APC2: variants seen among roughly 807,000 people sequenced by gnomAD.
APC2 encodes APC regulator of Wnt signaling pathway 2.
A neutral mutation model predicts 72.5 loss-of-function variants in APC2; 41 were observed. The ratio of observed to expected loss-of-function variants is 0.57; its 90% CI spans 0.44 to 0.73. The LOEUF is 0.73. Ranked by LOEUF, APC2 falls within the 30% of genes least tolerant of loss-of-function variation. The probability of loss-of-function intolerance (pLI) is 0.00; values close to 1 mark genes in which losing one functional copy is unlikely to be tolerated. For synonymous variants in APC2, 1,898 were observed against 1,612.0 expected, an observed-to-expected ratio of 1.18 and a Z score of -4.25; for missense variants, 3,729 against 3,403.4, an observed-to-expected ratio of 1.10 and a Z score of -2.38.
In APC2 at chr19:1,456,845, C is replaced by A; in HGVS notation, c.817-8C>A. 3 of 1,591,800 alleles carry A rather than the reference C, an allele frequency of 1.9e-6. No individual in the cohort carries two copies. Among genetic ancestry groups the A allele is most frequent in the Non-Finnish European group, 2.6e-6 (3 of 1,174,838 alleles). On this transcript the variant is annotated splice_region_variant and splice_polypyrimidine_tract_variant and intron_variant, in intron 8 of 14. Coordinates refer to ENST00000590469, the MANE Select transcript of APC2 (RefSeq NM_005883.3). ...AGGGACCCCACCCTGACCCTGCCCT[C>A]CCCCCAGGTGGAGGTGGTCTTCTGG...
upstream of APC2, among the ~76,000 whole-genome samples, chr19:1,447,087 C>G (rs1016355316): frequency 6.6e-6 from 1 of 152,198 alleles, no homozygotes; most frequent in South Asian, 2.1e-4. Context: ...AGGCCCATAG[C>G]GGCGGTCAGG....
chr19:1,467,765 C>A lies in APC2; in HGVS notation c.4464C>A (p.Arg1488=). The change falls in exon 15 of 15, where the codon CGC becomes CGA. Residue 1488 remains arginine, a synonymous_variant. Coordinates refer to ENST00000590469, the MANE Select transcript of APC2 (RefSeq NM_005883.3). ...DKDGSKPGRT[R]GDGALQSLCL... ...ACGGCTCAAAGCCCGGCCGGACCCG[C>A]GGGGACGGGGCGCTCCAGTCGCTGT... 7.0e-7 allele frequency: 1 copy of A among 1,430,812 alleles called. No homozygotes were observed. Among genetic ancestry groups the A allele is most frequent in the Admixed American group, 2.7e-5 (1 of 36,442 alleles). The allele number at this position is 1,430,812 out of a possible 1,614,324, so 88.6% of individuals were successfully genotyped here.
At chr19:1,462,542 C>CTACT (rs977957897) in intron 14 of APC2, among the ~76,000 whole-genome samples, 4 of 150,484 alleles carry the variant, frequency 2.7e-5, no homozygotes, top group African/African-American at 9.9e-5. Context: ...GTAATCCCAG[C>CTACT]TACTCGGGAG....
rs2084110936 is a variant in APC2, at chr19:1,470,174, G to A, written c.6873G>A (p.Glu2291=). 1 of 1,602,544 alleles carries A rather than the reference G, an allele frequency of 6.2e-7. No homozygotes were observed. Among genetic ancestry groups the A allele is most frequent in the South Asian group, 1.1e-5 (1 of 89,626 alleles). The change falls in exon 15 of 15, where the codon GAG becomes GAA. Residue 2291 remains glutamate (E), a synonymous_variant. Transcript: ENST00000590469. ...CAGCCACCACCGACTCGGCCGCGGA[G>A]AAAGCCCCGGCCACTGCCTCCGCCA... The part of the protein sequence containing the change: ...VVAATTDSAA[E]KAPATASATL...
At chr19:1,460,060 A>G (rs943393663) in intron 10 of APC2, 121 bp from the exon 11 acceptor site, 3 of 1,357,026 alleles carry the variant, frequency 2.2e-6, no homozygotes, top group African/African-American at 2.9e-5. Flanking sequence ...TGGGCCTGGA[A>G]GGGGAACTTG....
chr19:1,459,307 C>T (rs563639677), intron 10 of APC2, among the ~76,000 whole-genome samples: 29 of 151,742 alleles, frequency 1.9e-4, no homozygotes, highest in Admixed American at 9.2e-4. Flanking sequence ...CGGGTTTAAG[C>T]GATTCTCCTG....
chr19:1,462,087 A>G lies in APC2; in HGVS notation c.1763A>G (p.Lys588Arg). Residue 588 changes from lysine (K) to arginine (R), a missense_variant, in exon 14 of 15, where the codon AAG becomes AGG. Physicochemically the swap from Lys to Arg is conservative, Grantham distance 26. Transcript: ENST00000590469. Reference protein sequence around the residue: ...LGFLVSTLTYKCQSNSLAIIE... With the variant: ...LGFLVSTLTYRCQSNSLAIIE... ...TTCCTGGTGAGCACCCTGACCTACA[A>G]GTGTCAGAGCAACTCGCTGGCCATC... is the stretch of plus-strand genomic sequence containing the variant. 1 of 1,612,990 alleles carries G rather than the reference A, an allele frequency of 6.2e-7. No individual in the cohort carries two copies. Among genetic ancestry groups the G allele is most frequent in the Non-Finnish European group, 8.5e-7 (1 of 1,179,994 alleles).
intron 10 of APC2, chr19:1,458,322 C>T: frequency 1.9e-6 from 1 of 540,530 alleles, no homozygotes; most frequent in South Asian, 2.2e-5. Context: ...TTCCCTGGGG[C>T]TCAGAACAGG....
rs767237587 is a variant in APC2 at position 1,467,895 on chromosome 19, G to C, written c.4594G>C (p.Ala1532Pro). 5 of 1,581,530 alleles carry C rather than the reference G, an allele frequency of 3.2e-6. No homozygotes were observed. Among genetic ancestry groups the C allele is most frequent in the South Asian group, 1.1e-5 (1 of 88,878 alleles). The change falls in exon 15 of 15, where the codon GCC becomes CCC. Residue 1532 changes from alanine (A) to proline (P), a missense_variant. Physicochemically the swap from Ala to Pro is conservative, Grantham distance 27. Coordinates refer to ENST00000590469, the MANE Select transcript of APC2 (RefSeq NM_005883.3). ...CACGCCAACCCACCGGCGCACATCGGCCATCCCTCGCGCTTTTACGCGGGA... is the reference window on the plus strand; with the variant it reads ...CACGCCAACCCACCGGCGCACATCGCCCATCCCTCGCGCTTTTACGCGGGA... ...APTPTHRRTS[A>P]IPRAFTRERP...
At chr19:1,448,231 C>T (rs1385218690), upstream of APC2, among the ~76,000 whole-genome samples, 2 of 152,144 alleles carry the variant, frequency 1.3e-5, no homozygotes, top group East Asian at 1.9e-4. Flanking sequence ...ATTGATCTTC[C>T]CTCAGCCTGG....
At position 1,460,141 on chromosome 19, in the gene APC2, G is replaced by A. The variant is rs141774962; in HGVS notation, c.1304-40G>A. 8.9e-5 allele frequency: 144 copies of A among 1,611,720 alleles called. No individual in the cohort carries two copies. The East Asian group carries it at 2.5e-3, about 28-fold the overall frequency. On this transcript the variant is annotated intron_variant, in intron 10 of 14. Coordinates refer to ENST00000590469, the MANE Select transcript of APC2 (RefSeq NM_005883.3). ...GGTGGGGCGCTGGGCAGCAGGCAGG[G>A]TCATCCCTGCCACCCACCAACCTTG...
Position 1,465,407 on chromosome 19 carries a change from C to T in APC2, c.2106C>T (p.His702=). The change falls in exon 15 of 15, where the codon CAC becomes CAT. Residue 702 remains histidine, a synonymous_variant. Transcript: ENST00000590469. ...TGCTGGCCCATCGGCCCGCCAAGCA[C>T]CAGGCGGCCGCCACCGCCGTGTCCC... ...RNLLAHRPAK[H]QAAATAVSPG... 1.3e-6 allele frequency: 2 copies of T among 1,553,586 alleles called. No homozygotes were observed. The highest frequency in any genetic ancestry group is 1.7e-6 in the Non-Finnish European group (2 of 1,156,792).
chr19:1,455,320 T>C, intron 5 of APC2, 63 bp downstream of exon 5: 1 of 1,585,788 alleles, frequency 6.3e-7, no homozygotes, highest in Non-Finnish European at 8.6e-7. Context: ...GGAAGCGGCG[T>C]GGGGGAGGAA....
intron 7 of APC2, 57 bp from the exon 8 acceptor site, chr19:1,456,249 G>A (rs957184138): frequency 6.4e-7 from 1 of 1,565,164 alleles, no homozygotes; most frequent in Non-Finnish European, 8.6e-7. Flanking sequence ...CATCATCACG[G>A]GTGAGCAGAC....
Position 1,459,267 on chromosome 19 carries a change from C to T in APC2, c.1304-914C>T, listed in dbSNP as rs540165760. Among the ~76,000 whole-genome samples the T allele has an allele frequency of 1.1e-3, 160 of 152,150 alleles. 1 individual carries two copies. The highest frequency in any genetic ancestry group is 3.2e-3 in the African/African-American group (133 of 41,492). On this transcript the variant is annotated intron_variant, in intron 10 of 14. Coordinates refer to ENST00000590469, the MANE Select transcript of APC2 (RefSeq NM_005883.3). ...TTGCCCATGCTGGAGTGCAGTGGCGCCATCTCGGCTCACTGCAACCTCTGC... is the reference window on the plus strand; with the variant it reads ...TTGCCCATGCTGGAGTGCAGTGGCGTCATCTCGGCTCACTGCAACCTCTGC...
Position 1,460,331 on chromosome 19 carries a change from G to C in APC2, c.1443+11G>C. The C allele has an allele frequency of 1.9e-6, 3 of 1,613,200 alleles. No homozygotes were observed. Among genetic ancestry groups the C allele is most frequent in the Non-Finnish European group, 2.5e-6 (3 of 1,179,964 alleles). On this transcript the variant is annotated intron_variant, in intron 11 of 14. Coordinates refer to ENST00000590469, the MANE Select transcript of APC2 (RefSeq NM_005883.3). Reference sequence around the variant, plus strand: ...GACGTTGCCAACAAGGTGCCCGGGGGCAGTGGGTGGGCTGGCACTTTCCTC... The same window carrying C: ...GACGTTGCCAACAAGGTGCCCGGGGCCAGTGGGTGGGCTGGCACTTTCCTC...
In APC2 at chr19:1,469,446, G is replaced by T; in HGVS notation, c.6145G>T (p.Ala2049Ser). 1 of 1,157,992 alleles carries T rather than the reference G, an allele frequency of 8.6e-7. No individual in the cohort carries two copies. Among genetic ancestry groups the T allele is most frequent in the Non-Finnish European group, 1.1e-6 (1 of 943,340 alleles). 71.7% of individuals were successfully genotyped at this position (1,157,992 alleles called of 1,614,324 possible). ...CSSRCEELRA[A>S]PRQGPAPARQ... is the part of the protein sequence containing the mutation. ...CTCGCGCTGCGAAGAGCTCCGAGCG[G>T]CACCCCGGCAGGGCCCGGCCCCGGC... Residue 2049 changes from alanine to serine, a missense_variant, in exon 15 of 15, where the codon GCA (alanine) becomes TCA (serine). Transcript: ENST00000590469.
At chr19:1,447,904 C>T (rs1424536412), upstream of APC2, among the ~76,000 whole-genome samples, 2 of 152,160 alleles carry the variant, frequency 1.3e-5, no homozygotes, top group African/African-American at 2.4e-5. Context: ...CTTGGATCCC[C>T]CAAACCCCTG....
upstream of APC2, among the ~76,000 whole-genome samples, chr19:1,449,762 C>A (rs1435366203): frequency 1.3e-5 from 2 of 152,196 alleles, no homozygotes; most frequent in African/African-American, 4.8e-5. Flanking sequence ...AGGCCTGGCC[C>A]CAGCCCGGCC....
Sources: gnomAD v4.1 joint callset for allele counts (sites outside exome capture counted in the v4.1 genomes callset) on GRCh38, gnomAD v4.1.1 for gene constraint, MANE v1.5 for transcripts, NCBI Gene and HGNC (gene_info 2026-07-23, HGNC 2026-07-21) for gene names.